The following SLC5A3 variants were observed in gnomAD, a reference collection of about 807,000 sequenced individuals.
The protein encoded by SLC5A3 is solute carrier family 5 member 3, also known as sodium/myo-inositol cotransporter.
In SLC5A3, 10 loss-of-function variants were observed where a neutral mutation model predicts 43.2. That is an observed-to-expected ratio of 0.23 (90% CI 0.14 to 0.39). The LOEUF is 0.39. SLC5A3 is among the 10% of genes least tolerant of loss of function. The pLI, the probability that SLC5A3 is intolerant of heterozygous loss-of-function variation, is 1.00. For missense variants in SLC5A3, 608 were observed against 893.4 expected (o/e 0.68, Z 4.07); for synonymous variants, 349 against 322.0 (o/e 1.08, Z -0.90).
rs147050753 is a variant in SLC5A3, at chr21:34,092,388, A to G, written c.-336-2475A>G. Among the ~76,000 whole-genome samples the G allele has an allele frequency of 8.9e-3, 1,353 of 151,198 alleles. 8 individuals carry two copies. Among genetic ancestry groups the G allele is most frequent in the Non-Finnish European group, 0.012 (826 of 67,868 alleles). ...ATCTAGACACGACCCACAGAGTGGT[A>G]TGGTATCCAGTGAGAAGGGAACTGT... is the stretch of plus-strand genomic sequence containing the variant. On this transcript the variant is annotated intron_variant, in intron 1 of 1. Coordinates refer to ENST00000381151, the MANE Select transcript of SLC5A3 (RefSeq NM_006933.7).
Position 34,099,239 on chromosome 21 carries a change from T to C in SLC5A3, c.*1884T>C, listed in dbSNP as rs943417091. ...TGAGGTTTATAATTTGGGGGCCAAA[T>C]AGATAGAGCTCATCATTTTCTTGTT... On this transcript the variant is annotated 3_prime_UTR_variant, in exon 2 of 2. Transcript: ENST00000381151. The C allele has an allele frequency of 1.1e-5, 11 of 1,000,172 alleles. No individual in the cohort carries two copies. The African/African-American group carries it at 1.7e-4, about 16-fold the overall frequency. The allele number at this position is 1,000,172 out of a possible 1,614,324, so 62.0% of individuals were successfully genotyped here.
Position 34,101,927 on chromosome 21 carries a change from A to G in SLC5A3, c.*4572A>G. Reference sequence around the variant, plus strand: ...TGAGCCCCTTTGAAATGATGGTGTCAGAGTGCAGAGAAACAATGGAGTTTT... The same window carrying G: ...TGAGCCCCTTTGAAATGATGGTGTCGGAGTGCAGAGAAACAATGGAGTTTT... On this transcript the variant is annotated 3_prime_UTR_variant, in exon 2 of 2. Coordinates refer to ENST00000381151, the MANE Select transcript of SLC5A3 (RefSeq NM_006933.7). 1.0e-6 allele frequency: 1 copy of G among 1,000,206 alleles called. No homozygotes were observed. The highest frequency in any genetic ancestry group is 1.2e-6 in the Non-Finnish European group (1 of 829,918). The allele number at this position is 1,000,206 out of a possible 1,614,324, so 62.0% of individuals were successfully genotyped here. A position where few individuals can be genotyped will look rare whatever the true frequency, so the allele number is the denominator to read the frequency against.
chr21:34,091,616 A>G (rs1978698890), intron 1 of SLC5A3, among the ~76,000 whole-genome samples: 2 of 151,936 alleles, frequency 1.3e-5, no homozygotes, highest in African/African-American at 4.8e-5. Context: ...CTCTATTTGG[A>G]TTAATTCTTC....
chr21:34,098,820 A>G lies in SLC5A3; in HGVS notation c.*1465A>G. Reference sequence around the variant, plus strand: ...AGATTACGTACTTCTGTGTCTTCGTATGCTCAACACTGTCCTTTGTCCTCC... The same window carrying G: ...AGATTACGTACTTCTGTGTCTTCGTGTGCTCAACACTGTCCTTTGTCCTCC... On this transcript the variant is annotated 3_prime_UTR_variant, in exon 2 of 2. Transcript: ENST00000381151. 1.0e-6 allele frequency: 1 copy of G among 999,958 alleles called. No homozygotes were observed. Among genetic ancestry groups the G allele is most frequent in the Non-Finnish European group, 1.2e-6 (1 of 829,690 alleles). 61.9% of individuals were successfully genotyped at this position (999,958 alleles called of 1,614,324 possible).
intron 1 of SLC5A3, among the ~76,000 whole-genome samples, chr21:34,077,843 T>A (rs1054609231): frequency 6.6e-6 from 1 of 152,078 alleles, no homozygotes; most frequent in South Asian, 2.1e-4. Flanking sequence ...TCTGGTAGAG[T>A]GATGAAGAGT....
At chr21:34,093,584 C>T (rs1254347443) in intron 1 of SLC5A3, among the ~76,000 whole-genome samples, 1 of 145,744 alleles carries the variant, frequency 6.9e-6, no homozygotes, top group East Asian at 1.9e-4. Context: ...TGCCTAGAAT[C>T]ATCAGAAAAA....
intron 1 of SLC5A3, among the ~76,000 whole-genome samples, chr21:34,077,571 T>A: frequency 6.6e-6 from 1 of 151,930 alleles, no homozygotes; most frequent in East Asian, 1.9e-4. Flanking sequence ...AAGATAGCAT[T>A]TATATATATA....
chr21:34,097,136 A>G lies in SLC5A3; in HGVS notation c.1938A>G (p.Lys646=). The stretch of plus-strand genomic sequence containing the variant: ...TCATGGGTGAGAAAGAGAGAAAGAA[A>G]GAAACGGATGATGGAGGTCGGTACT... ...AALMGEKERK[K]ETDDGGRYWK... The change falls in exon 2 of 2, where the codon AAA becomes AAG. Residue 646 remains lysine (K), a synonymous_variant. Coordinates refer to ENST00000381151, the MANE Select transcript of SLC5A3 (RefSeq NM_006933.7). 6.2e-7 allele frequency: 1 copy of G among 1,614,096 alleles called. No individual in the cohort carries two copies. The highest frequency in any genetic ancestry group is 1.1e-5 in the South Asian group (1 of 91,084).
Position 34,098,884 on chromosome 21 carries a change from T to A in SLC5A3, c.*1529T>A. Reference sequence around the variant, plus strand: ...GAAGCAAATTATGTATGTACTTTCTTTGACCTTCTTTAATCTCTGATACTT... The same window carrying A: ...GAAGCAAATTATGTATGTACTTTCTATGACCTTCTTTAATCTCTGATACTT... On this transcript the variant is annotated 3_prime_UTR_variant, in exon 2 of 2. Transcript: ENST00000381151. The A allele has an allele frequency of 1.0e-6, 1 of 999,518 alleles. No homozygotes were observed. Among genetic ancestry groups the A allele is most frequent in the Non-Finnish European group, 1.2e-6 (1 of 829,260 alleles). The allele number at this position is 999,518 out of a possible 1,614,324, so 61.9% of individuals were successfully genotyped here.
Position 34,095,512 on chromosome 21 carries a change from G to A in SLC5A3, c.314G>A (p.Gly105Glu). ...TTCATCCCAATTTACATCCGGTCAG[G>A]GGTATATACCATGCCTGAATACTTG... ...WVFIPIYIRS[G>E]VYTMPEYLSK... is the part of the protein sequence containing the mutation. Residue 105 changes from glycine to glutamate, a missense_variant, in exon 2 of 2, where the codon GGG (glycine) becomes GAG (glutamate). Physicochemically the swap from Gly to Glu is moderately conservative, Grantham distance 98 (BLOSUM62 -2). This residue lies in a region of SLC5A3 where 398 missense variants were observed against 668.6 expected (regional missense o/e 0.60). Transcript: ENST00000381151. 1 of 1,613,914 alleles carries A rather than the reference G, an allele frequency of 6.2e-7. No homozygotes were observed. The highest frequency in any genetic ancestry group is 1.7e-4 in the Middle Eastern group (1 of 6,060).
chr21:34,090,708 G>C (rs1293442149), intron 1 of SLC5A3, among the ~76,000 whole-genome samples: 1 of 152,166 alleles, frequency 6.6e-6, no homozygotes, highest in Non-Finnish European at 1.5e-5. Context: ...AGCTTTCTCT[G>C]TTACTTATTC....
Position 34,103,632 on chromosome 21 carries a change from T to A in SLC5A3, c.*6277T>A, listed in dbSNP as rs772390092. ...ATAGAAAGCACAAGACTAATAGTAT[T>A]CTCTGTATCCCACAAGTGCCAGTCA... On this transcript the variant is annotated 3_prime_UTR_variant, in exon 2 of 2. Transcript: ENST00000381151. 2 of 1,000,122 alleles carry A rather than the reference T, an allele frequency of 2.0e-6. No individual in the cohort carries two copies. Among genetic ancestry groups the A allele is most frequent in the Non-Finnish European group, 2.4e-6 (2 of 829,904 alleles). The allele number at this position is 1,000,122 out of a possible 1,614,324, so 62.0% of individuals were successfully genotyped here. A position where few individuals can be genotyped will look rare whatever the true frequency, so the allele number is the denominator to read the frequency against.
intron 1 of SLC5A3, among the ~76,000 whole-genome samples, chr21:34,077,335 A>G (rs1989357060): frequency 6.6e-6 from 1 of 152,240 alleles, no homozygotes; most frequent in East Asian, 1.9e-4. Flanking sequence ...CTGAGGAAAG[A>G]AATCTGTGCA....
intron 1 of SLC5A3, among the ~76,000 whole-genome samples, chr21:34,085,132 T>C (rs1338748172): frequency 6.6e-6 from 1 of 152,190 alleles, no homozygotes; most frequent in Admixed American, 6.5e-5. Context: ...CAATCAAGGA[T>C]CATATATTTA....
intron 1 of SLC5A3, among the ~76,000 whole-genome samples, chr21:34,077,727 T>C (rs1412008265): frequency 1.3e-5 from 2 of 152,208 alleles, no homozygotes; most frequent in Non-Finnish European, 2.9e-5. Flanking sequence ...AATAGTACTT[T>C]GGTAGGGTAA....
rs867780822 is a variant in SLC5A3 at position 34,098,782 on chromosome 21, A to G, written c.*1427A>G. The stretch of plus-strand genomic sequence containing the variant: ...GGGTACAGGGTACAAAAGATGTTAG[A>G]GAAAAGCTCTACAGATTACGTACTT... On this transcript the variant is annotated 3_prime_UTR_variant, in exon 2 of 2. Coordinates refer to ENST00000381151, the MANE Select transcript of SLC5A3 (RefSeq NM_006933.7). 1.2e-5 allele frequency: 12 copies of G among 1,000,166 alleles called. No homozygotes were observed. In the South Asian group the frequency reaches 1.4e-4, roughly 12 times the overall value. The allele number at this position is 1,000,166 out of a possible 1,614,324, so 62.0% of individuals were successfully genotyped here.
intron 1 of SLC5A3, among the ~76,000 whole-genome samples, chr21:34,087,531 A>G (rs1978457070): frequency 6.6e-6 from 1 of 152,234 alleles, no homozygotes; most frequent in South Asian, 2.1e-4. Flanking sequence ...TTTAAGTTTT[A>G]TAGCGTGTTA....
chr21:34,086,995 G>A (rs1452151308), intron 1 of SLC5A3, among the ~76,000 whole-genome samples: 1 of 152,198 alleles, frequency 6.6e-6, no homozygotes, highest in Non-Finnish European at 1.5e-5. Flanking sequence ...CACACTAAGA[G>A]GTGGATGTCG....
Position 34,095,840 on chromosome 21 carries a change from G to A in SLC5A3, c.642G>A (p.Lys214=). ...IMEIGGFEEV[K]RRYMLASPDV... is the part of the protein sequence containing the mutation. ...AGATTGGCGGGTTTGAGGAAGTTAA[G>A]AGAAGGTACATGTTGGCCTCACCCG... The change falls in exon 2 of 2, where the codon AAG becomes AAA. Residue 214 remains lysine, a synonymous_variant. Transcript: ENST00000381151. The A allele has an allele frequency of 6.2e-7, 1 of 1,614,054 alleles. No homozygotes were observed. Among genetic ancestry groups the A allele is most frequent in the South Asian group, 1.1e-5 (1 of 91,074 alleles).
Sources: gnomAD v4.1 joint callset for allele counts (sites outside exome capture counted in the v4.1 genomes callset) on GRCh38, gnomAD v4.1.1 for gene constraint, gnomAD v4.1.1 regional missense constraint, MANE v1.5 for transcripts, NCBI Gene and HGNC (gene_info 2026-07-23, HGNC 2026-07-21) for gene names.